Variants in NRG3 observed in about 807,000 individuals in gnomAD.
NRG3 encodes pro-neuregulin-3, membrane-bound isoform.
A neutral mutation model predicts 66.9 loss-of-function variants in NRG3; 31 were observed. That is an observed-to-expected ratio of 0.46 (90% CI 0.35 to 0.63). The LOEUF (loss-of-function observed/expected upper bound fraction) is 0.63, where lower values mean the gene tolerates loss of function less well. Among genes scored for constraint, NRG3 ranks in the 20% least tolerant of loss-of-function variants. The pLI is 0.00. For missense variants in NRG3, 910 were observed against 878.9 expected, an observed-to-expected ratio of 1.04 and a Z score of -0.45; for synonymous variants, 393 against 359.4, an observed-to-expected ratio of 1.09 and a Z score of -1.06.
At chr10:82,756,503 A>G (rs1213978159) in intron 3 of NRG3, among the ~76,000 whole-genome samples, 3 of 152,126 alleles carry the variant, frequency 2.0e-5, no homozygotes, top group Non-Finnish European at 4.4e-5. Flanking sequence ...CGTAGTATAC[A>G]CTAACTGCAA....
At chr10:82,930,962 T>C (rs1366930510) in intron 4 of NRG3, among the ~76,000 whole-genome samples, 2 of 152,074 alleles carry the variant, frequency 1.3e-5, no homozygotes, top group Non-Finnish European at 1.5e-5. Flanking sequence ...AGGAACAAAA[T>C]GTACTGTCAT....
At chr10:82,888,662 C>T (rs1283233784) in intron 4 of NRG3, among the ~76,000 whole-genome samples, 1 of 151,964 alleles carries the variant, frequency 6.6e-6, no homozygotes, top group Non-Finnish European at 1.5e-5. Flanking sequence ...GATTTCTGCC[C>T]TTGTGGAGCT....
chr10:82,773,648 A>G lies in NRG3; in HGVS notation c.1027+34998A>G, dbSNP rs147529831. Among the ~76,000 whole-genome samples the G allele has an allele frequency of 3.6e-3, 544 of 151,800 alleles. 5 individuals are homozygous for G. The highest frequency in any genetic ancestry group is 5.2e-3 in the Non-Finnish European group (352 of 67,900). Reference sequence around the variant, plus strand: ...CTTGAAATTTACTTTTTCCTTTCCAATTTGGATGCTTATTGTTATTATTTT... The same window carrying G: ...CTTGAAATTTACTTTTTCCTTTCCAGTTTGGATGCTTATTGTTATTATTTT... On this transcript the variant is annotated intron_variant, in intron 3 of 8. Transcript: ENST00000372141.
At chr10:81,957,526 T>G (rs1003017443) in intron 1 of NRG3, among the ~76,000 whole-genome samples, 1 of 152,204 alleles carries the variant, frequency 6.6e-6, no homozygotes, top group Non-Finnish European at 1.5e-5. Flanking sequence ...GTCTGAAATA[T>G]TCTTATGTAT....
chr10:82,738,526 A>T, intron 2 of NRG3, 51 bp from the exon 3 acceptor site: 1 of 1,408,720 alleles, frequency 7.1e-7, no homozygotes, highest in Non-Finnish European at 1.0e-6. Context: ...TTGAAATCTT[A>T]AGTCTTTCAC....
chr10:82,605,422 A>G (rs1031186367), intron 2 of NRG3, among the ~76,000 whole-genome samples: 1 of 152,020 alleles, frequency 6.6e-6, no homozygotes, highest in African/African-American at 2.4e-5. Context: ...CATACCAGCA[A>G]CAAATACCAC....
chr10:82,610,892 G>C (rs1175864587), intron 2 of NRG3, among the ~76,000 whole-genome samples: 1 of 151,904 alleles, frequency 6.6e-6, no homozygotes, highest in Non-Finnish European at 1.5e-5. Context: ...TTATGAGAAA[G>C]GACAAATATT....
intron 4 of NRG3, among the ~76,000 whole-genome samples, chr10:82,912,770 TTAAG>T (rs1356892280): frequency 1.3e-5 from 2 of 152,188 alleles, no homozygotes; most frequent in African/African-American, 4.8e-5. Context: ...TTGGATCTAA[TTAAG>T]TATTTTATAT....
rs370830227 is a variant in NRG3 at position 82,188,496 on chromosome 10, C to A, written c.824-170243C>A. 2.6e-5 allele frequency among the ~76,000 whole-genome samples: 4 copies of A among 152,020 alleles called. No individual in the cohort carries two copies. The East Asian group carries it at 7.8e-4, about 29-fold the overall frequency. On this transcript the variant is annotated intron_variant, in intron 1 of 8. Transcript: ENST00000372141. Reference sequence around the variant, plus strand: ...GCTACTGCATAGCAAAGGATACAGTCAACAAAGTGGAGAGATAACCCACAG... The same window carrying A: ...GCTACTGCATAGCAAAGGATACAGTAAACAAAGTGGAGAGATAACCCACAG...
chr10:82,108,674 T>C, intron 1 of NRG3, among the ~76,000 whole-genome samples: 1 of 152,172 alleles, frequency 6.6e-6, no homozygotes, highest in South Asian at 2.1e-4. Flanking sequence ...ATAGTAGTAG[T>C]TGTAGTAGTA....
At chr10:82,390,437 G>A (rs955516845) in intron 2 of NRG3, among the ~76,000 whole-genome samples, 2 of 152,134 alleles carry the variant, frequency 1.3e-5, no homozygotes, top group Non-Finnish European at 2.9e-5. Flanking sequence ...GGAAATTTGA[G>A]TAAATCTTGA....
At chr10:82,069,444 T>A (rs2064676242) in intron 1 of NRG3, among the ~76,000 whole-genome samples, 1 of 152,184 alleles carries the variant, frequency 6.6e-6, no homozygotes, top group Non-Finnish European at 1.5e-5. Context: ...ATGAGCGTAT[T>A]TAACTTTCCA....
chr10:82,817,000 T>C (rs2061737773), intron 3 of NRG3, among the ~76,000 whole-genome samples: 2 of 152,254 alleles, frequency 1.3e-5, no homozygotes, highest in Non-Finnish European at 2.9e-5. Context: ...AGTATTTTCC[T>C]GAACAAAATT....
intron 1 of NRG3, among the ~76,000 whole-genome samples, chr10:82,026,487 G>A (rs1230483726): frequency 9.9e-5 from 15 of 151,992 alleles, no homozygotes; most frequent in African/African-American, 2.4e-4. Context: ...TTCGGGAATT[G>A]CTTGTCTGCT....
At chr10:82,164,498 A>G in intron 1 of NRG3, among the ~76,000 whole-genome samples, 1 of 151,994 alleles carries the variant, frequency 6.6e-6, no homozygotes, top group East Asian at 1.9e-4. Context: ...ACCCCTCTTT[A>G]TCACTCTCAC....
chr10:82,487,497 A>G (rs1216769733), intron 2 of NRG3, among the ~76,000 whole-genome samples: 1 of 152,184 alleles, frequency 6.6e-6, no homozygotes, highest in Non-Finnish European at 1.5e-5. Flanking sequence ...TATATTAAAA[A>G]ATAGTGTTAT....
chr10:82,816,423 G>C (rs1365267884), intron 3 of NRG3, among the ~76,000 whole-genome samples: 2 of 152,188 alleles, frequency 1.3e-5, no homozygotes, highest in Non-Finnish European at 2.9e-5. Flanking sequence ...GAGACCCAAA[G>C]TGGGTAGCTA....
At chr10:82,053,063 C>A (rs2063674093) in intron 1 of NRG3, among the ~76,000 whole-genome samples, 1 of 151,738 alleles carries the variant, frequency 6.6e-6, no homozygotes, top group Admixed American at 6.6e-5. Context: ...AATTATTCAT[C>A]AAATGTTTTA....
At chr10:81,915,477 G>A (rs1398331688) in intron 1 of NRG3, among the ~76,000 whole-genome samples, 1 of 127,532 alleles carries the variant, frequency 7.8e-6, no homozygotes, top group Non-Finnish European at 1.5e-5. Context: ...AATTGTTAAA[G>A]TCAGCTCACA....
Sources: allele counts gnomAD v4.1 joint callset (sites outside exome capture counted in the v4.1 genomes callset), GRCh38; gene constraint gnomAD v4.1.1; transcripts MANE v1.5; gene names NCBI Gene and HGNC (gene_info 2026-07-23, HGNC 2026-07-21).